ZNF407: variants seen among roughly 807,000 people sequenced by gnomAD.
The protein encoded by ZNF407 is zinc finger protein 407.
In ZNF407, 17 loss-of-function variants were observed where a neutral mutation model predicts 131.2. That is an observed-to-expected ratio of 0.13 (90% CI 0.09 to 0.19). The LOEUF (loss-of-function observed/expected upper bound fraction) is 0.19. ZNF407 is among the 10% of genes least tolerant of loss of function. The pLI, the probability that ZNF407 is intolerant of heterozygous loss-of-function variation, is 1.00. For missense variants in ZNF407, 2,681 were observed against 2,830.6 expected (o/e 0.95, Z 1.20); for synonymous variants, 1,156 against 1,062.0 (o/e 1.09, Z -1.72).
At chr18:75,001,015 C>T (rs2122159047) in intron 8 of ZNF407, among the ~76,000 whole-genome samples, 1 of 152,286 alleles carries the variant, frequency 6.6e-6, no homozygotes, top group South Asian at 2.1e-4. Context: ...TTCCAGAATT[C>T]TCTTTTTGAG....
intron 7 of ZNF407, among the ~76,000 whole-genome samples, chr18:74,913,511 C>T (rs1477599668): frequency 1.3e-5 from 2 of 152,144 alleles, no homozygotes; most frequent in African/African-American, 4.8e-5. Flanking sequence ...GGTGCCCCTG[C>T]ATTTAGCCAA....
At chr18:74,669,283 CA>C (rs1357341750) in intron 3 of ZNF407, among the ~76,000 whole-genome samples, 1 of 152,204 alleles carries the variant, frequency 6.6e-6, no homozygotes, top group African/African-American at 2.4e-5. Flanking sequence ...GCTTTCTGAC[CA>C]GGGGCCTTCC....
chr18:74,867,516 C>G (rs1377545973), intron 4 of ZNF407, among the ~76,000 whole-genome samples: 1 of 152,184 alleles, frequency 6.6e-6, no homozygotes, highest in Non-Finnish European at 1.5e-5. Context: ...CCTTCTGAGG[C>G]TCTGAGAGGC....
rs1302419963 is a variant in ZNF407 at position 74,640,283 on chromosome 18, A to G, written c.4688-725A>G. Among the ~76,000 whole-genome samples the G allele has an allele frequency of 6.6e-5, 10 of 152,234 alleles. No homozygotes were observed. In the East Asian group the frequency reaches 1.5e-3, roughly 24 times the overall value. ...TTTTCTCATTTTTGAGTATAGTTTA[A>G]TCTTAATTCTTTATGAAATGACAAC... On this transcript the variant is annotated intron_variant, in intron 2 of 8. Transcript: ENST00000299687.
chr18:74,934,514 A>G (rs1189128031), intron 8 of ZNF407, among the ~76,000 whole-genome samples: 1 of 152,188 alleles, frequency 6.6e-6, no homozygotes, highest in Admixed American at 6.5e-5. Context: ...GTTTTTGTCA[A>G]TTAATCACTT....
chr18:75,058,566 C>T (rs1030161268), intron 8 of ZNF407, among the ~76,000 whole-genome samples: 1 of 152,146 alleles, frequency 6.6e-6, no homozygotes, highest in Non-Finnish European at 1.5e-5. Context: ...TTTAAAGGTA[C>T]CGTAATACAA....
At chr18:75,004,824 C>T (rs1972889072) in intron 8 of ZNF407, among the ~76,000 whole-genome samples, 1 of 152,218 alleles carries the variant, frequency 6.6e-6, no homozygotes. Flanking sequence ...GTCCCAAGTG[C>T]TTTCCTTAGC....
At chr18:74,843,838 T>C (rs1425727299) in intron 4 of ZNF407, among the ~76,000 whole-genome samples, 1 of 152,216 alleles carries the variant, frequency 6.6e-6, no homozygotes, top group Non-Finnish European at 1.5e-5. Context: ...TTATTTATCA[T>C]AACCTCATAT....
At chr18:74,863,136 G>T (rs185656364) in intron 4 of ZNF407, among the ~76,000 whole-genome samples, 1,567 of 151,676 alleles carry the variant, frequency 0.01, 8 homozygotes, top group Non-Finnish European at 0.018. Flanking sequence ...GACCAGGCTG[G>T]TCTTGAACTC....
At chr18:74,620,740 C>T (rs1239933043) in intron 1 of ZNF407, among the ~76,000 whole-genome samples, 2 of 152,146 alleles carry the variant, frequency 1.3e-5, no homozygotes, top group African/African-American at 4.8e-5. Flanking sequence ...TGCTCAGGTC[C>T]ACATCCGATG....
At chr18:74,755,320 A>G (rs1968904712) in intron 3 of ZNF407, among the ~76,000 whole-genome samples, 1 of 151,782 alleles carries the variant, frequency 6.6e-6, no homozygotes, top group South Asian at 2.1e-4. Context: ...TGTGTCTTTT[A>G]ATTGGAGGAT....
intron 4 of ZNF407, among the ~76,000 whole-genome samples, chr18:74,782,163 A>G (rs1449956020): frequency 1.3e-5 from 2 of 152,212 alleles, no homozygotes; most frequent in Admixed American, 6.5e-5. Flanking sequence ...CAAAACTGGT[A>G]TAAGCATTAG....
At chr18:74,821,014 A>G (rs1438469072) in intron 4 of ZNF407, among the ~76,000 whole-genome samples, 1 of 151,972 alleles carries the variant, frequency 6.6e-6, no homozygotes, top group Non-Finnish European at 1.5e-5. Context: ...TTCTTTCTCA[A>G]CCCCTGATTT....
At chr18:74,678,478 G>C (rs1966904427) in intron 3 of ZNF407, among the ~76,000 whole-genome samples, 1 of 152,296 alleles carries the variant, frequency 6.6e-6, no homozygotes, top group Admixed American at 6.5e-5. Context: ...ATGGCTGTTA[G>C]AGGTACCCAT....
At chr18:74,641,698 C>T (rs1194098969) in intron 3 of ZNF407, among the ~76,000 whole-genome samples, 1 of 152,116 alleles carries the variant, frequency 6.6e-6, no homozygotes, top group Non-Finnish European at 1.5e-5. Context: ...GAATCATGTA[C>T]AGTGTTTAAC....
In ZNF407 at chr18:74,755,606, T is replaced by C. The variant is rs532702752; in HGVS notation, c.4803-25822T>C. 1.2e-3 allele frequency among the ~76,000 whole-genome samples: 127 copies of C among 103,176 alleles called. 2 individuals are homozygous for C. Among genetic ancestry groups the C allele is most frequent in the Non-Finnish European group, 2.2e-3 (103 of 46,138 alleles). 67.7% of individuals were successfully genotyped at this position (103,176 alleles called of 152,430 possible). ...GGTTTTTTTTTTTTTTTTTTTTTTC[T>C]GAGACCGAGTCTAACTCTGTTGCCC... On this transcript the variant is annotated intron_variant, in intron 3 of 8. Transcript: ENST00000299687.
intron 4 of ZNF407, among the ~76,000 whole-genome samples, chr18:74,805,755 T>C (rs1181554502): frequency 6.6e-6 from 1 of 152,238 alleles, no homozygotes; most frequent in Non-Finnish European, 1.5e-5. Context: ...AGAGTCAGTA[T>C]AAATTATATC....
At chr18:74,852,153 T>C (rs1349549147) in intron 4 of ZNF407, among the ~76,000 whole-genome samples, 1 of 146,956 alleles carries the variant, frequency 6.8e-6, no homozygotes, top group Admixed American at 7.0e-5. Flanking sequence ...TCTGTATGCA[T>C]GGATGCATGC....
intron 4 of ZNF407, among the ~76,000 whole-genome samples, chr18:74,876,425 A>G (rs929928602): frequency 1.1e-4 from 17 of 152,212 alleles, no homozygotes; most frequent in African/African-American, 3.6e-4. Flanking sequence ...GCAATTGAAC[A>G]GGGGCAGAAG....
Sources: allele counts gnomAD v4.1 joint callset (sites outside exome capture counted in the v4.1 genomes callset), GRCh38; gene constraint gnomAD v4.1.1; transcripts MANE v1.5; gene names NCBI Gene and HGNC (gene_info 2026-07-23, HGNC 2026-07-21).